Variants in ZNF680 observed in about 807,000 individuals in gnomAD.
ZNF680 encodes hypothetical protein FLJ90430.
In ZNF680, 6 loss-of-function variants were observed where a neutral mutation model predicts 12.1. That is an observed-to-expected ratio of 0.49 (90% confidence interval 0.27 to 0.98). ZNF680 has a LOEUF of 0.98. ZNF680 is among the 50% of genes least tolerant of loss of function. The pLI, the probability that ZNF680 is intolerant of heterozygous loss-of-function variation, is 0.12. For synonymous variants in ZNF680, 170 were observed against 199.3 expected (o/e 0.85, Z 1.24); for missense variants, 561 against 616.3 (o/e 0.91, Z 0.95).
intron 1 of ZNF680, among the ~76,000 whole-genome samples, chr7:64,554,299 C>A (rs1026309649): frequency 8.6e-5 from 13 of 151,850 alleles, no homozygotes; most frequent in Non-Finnish European, 1.8e-4. Flanking sequence ...AAGTGAGGAG[C>A]GTCTCTGACC....
intron 1 of ZNF680, among the ~76,000 whole-genome samples, chr7:64,553,978 C>G (rs894969719): frequency 2.0e-5 from 3 of 151,774 alleles, no homozygotes; most frequent in Non-Finnish European, 4.4e-5. Context: ...CCCAAAGTGC[C>G]GAGATTGCAG....
chr7:64,501,207 A>G, the ZNF680 span: 1 of 869,560 alleles, frequency 1.2e-6, no homozygotes, highest in Non-Finnish European at 2.0e-6. Flanking sequence ...ATGACTTTCA[A>G]CGGGATTATT....
rs183941750 is a variant in ZNF680, at chr7:64,549,926, T to C, written c.31-5494A>G. On this transcript the variant is annotated intron_variant, in intron 1 of 3. Transcript: ENST00000309683. ...TGAGCCCAGGAGGCAGAGGCTGCAG[T>C]GAGCAGAGATCGCACCATTGCACTC... is the stretch of plus-strand genomic sequence containing the variant. 2.8e-3 allele frequency among the ~76,000 whole-genome samples: 431 copies of C among 152,262 alleles called. 1 individual carries two copies. The highest frequency in any genetic ancestry group is 5.0e-3 in the Non-Finnish European group (339 of 68,022).
downstream of ZNF680, among the ~76,000 whole-genome samples, chr7:64,517,643 A>G (rs191199803): frequency 6.5e-4 from 99 of 152,216 alleles, no homozygotes; most frequent in Admixed American, 2.0e-3. Context: ...GACATAGCCA[A>G]AAAAGAAGAC....
chr7:64,558,921 G>C (rs1787569876), intron 1 of ZNF680, among the ~76,000 whole-genome samples: 1 of 151,854 alleles, frequency 6.6e-6, no homozygotes, highest in Non-Finnish European at 1.5e-5. Context: ...AGTATTTAAA[G>C]AGGAAAGAGC....
downstream of ZNF680, among the ~76,000 whole-genome samples, chr7:64,515,487 TA>T (rs1316167113): frequency 2.0e-5 from 3 of 151,902 alleles, no homozygotes; most frequent in Non-Finnish European, 2.9e-5. Flanking sequence ...TTGCCTTAGG[TA>T]AATAGCAACA....
intron 3 of ZNF680, among the ~76,000 whole-genome samples, chr7:64,534,608 C>A (rs1786061003): frequency 6.6e-6 from 1 of 152,142 alleles, no homozygotes; most frequent in Admixed American, 6.5e-5. Flanking sequence ...TGTGGAGATT[C>A]CTTAAAGAAC....
At chr7:64,555,732 A>AT (rs1326624419) in intron 1 of ZNF680, among the ~76,000 whole-genome samples, 110 of 86,196 alleles carry the variant, frequency 1.3e-3, no homozygotes, top group African/African-American at 4.9e-3. Flanking sequence ...TTGTAAAAAA[A>AT]AATATATATA....
intron 1 of ZNF680, among the ~76,000 whole-genome samples, chr7:64,544,973 T>C (rs1786704174): frequency 6.6e-6 from 1 of 152,110 alleles, no homozygotes; most frequent in Non-Finnish European, 1.5e-5. Context: ...AAAGAGCCTG[T>C]GTTGGCCAGG....
At chr7:64,553,758 G>C (rs959322707) in intron 1 of ZNF680, among the ~76,000 whole-genome samples, 2 of 152,134 alleles carry the variant, frequency 1.3e-5, no homozygotes, top group Admixed American at 6.5e-5. Flanking sequence ...ACTGGTTTTC[G>C]CATTTTTTGG....
chr7:64,556,440 A>G (rs940251820), intron 1 of ZNF680, among the ~76,000 whole-genome samples: 2 of 152,136 alleles, frequency 1.3e-5, no homozygotes, highest in African/African-American at 2.4e-5. Flanking sequence ...CACAGACTAC[A>G]GAACAATGGA....
At chr7:64,503,034 CTT>C in the ZNF680 span, among the ~76,000 whole-genome samples, 4 of 152,022 alleles carry the variant, frequency 2.6e-5, no homozygotes, top group African/African-American at 9.7e-5. Flanking sequence ...CTGTATGACT[CTT>C]CTTTCCATAG....
At chr7:64,539,481 T>A (rs962159669) in intron 3 of ZNF680, among the ~76,000 whole-genome samples, 4 of 151,750 alleles carry the variant, frequency 2.6e-5, no homozygotes, top group Middle Eastern at 6.9e-3. Context: ...TTATGAGATA[T>A]CTTAAGTAGT....
At chr7:64,538,221 T>C (rs770768890) in intron 3 of ZNF680, among the ~76,000 whole-genome samples, 5 of 152,116 alleles carry the variant, frequency 3.3e-5, no homozygotes, top group Non-Finnish European at 7.3e-5. Context: ...CACCATTTTC[T>C]TAGATACAAC....
At chr7:64,538,357 T>G (rs1366253371) in intron 3 of ZNF680, among the ~76,000 whole-genome samples, 1 of 152,160 alleles carries the variant, frequency 6.6e-6, no homozygotes, top group African/African-American at 2.4e-5. Flanking sequence ...GTGAAAATAT[T>G]TGCAAATCAC....
chr7:64,513,881 T>C, the ZNF680 span, among the ~76,000 whole-genome samples: 1 of 152,040 alleles, frequency 6.6e-6, no homozygotes, highest in Non-Finnish European at 1.5e-5. Context: ...CCTGACCTCA[T>C]GATCCACCCT....
intron 3 of ZNF680, among the ~76,000 whole-genome samples, chr7:64,543,233 T>C (rs1274180360): frequency 6.6e-6 from 1 of 152,136 alleles, no homozygotes; most frequent in African/African-American, 2.4e-5. Context: ...TTATACTTTA[T>C]AATTTCGAAC....
intron 3 of ZNF680, among the ~76,000 whole-genome samples, chr7:64,527,668 C>A (rs1314242447): frequency 6.6e-6 from 1 of 151,828 alleles, no homozygotes; most frequent in Admixed American, 6.6e-5. Flanking sequence ...GCACTCCGGC[C>A]TGAGCAACAA....
chr7:64,524,457 G>A (rs2116378571), intron 3 of ZNF680, among the ~76,000 whole-genome samples: 1 of 152,208 alleles, frequency 6.6e-6, no homozygotes, highest in South Asian at 2.1e-4. Flanking sequence ...AACAGTAATA[G>A]ATTCATTTAC....
Sources: gnomAD v4.1 joint callset for allele counts (sites outside exome capture counted in the v4.1 genomes callset) on GRCh38, gnomAD v4.1.1 for gene constraint, MANE v1.5 for transcripts, NCBI Gene and HGNC (gene_info 2026-07-23, HGNC 2026-07-21) for gene names.